NHSL1: variants seen among roughly 807,000 people sequenced by gnomAD.
NHSL1 encodes NHS-like protein 1.
NHSL1 carries 48 observed loss-of-function variants against 95.0 expected under a neutral mutation model. The observed-to-expected ratio is 0.51, with a 90% CI of 0.40 to 0.64. NHSL1 has a LOEUF of 0.64. Ranked by LOEUF, NHSL1 falls within the 30% of genes least tolerant of loss-of-function variation. The pLI is 0.00. For missense variants in NHSL1, 1,971 were observed against 2,077.7 expected (o/e 0.95, Z 1.00); for synonymous variants, 783 against 833.9 (o/e 0.94, Z 1.05).
At chr6:138,541,560 GAGA>G (rs1782581874) in intron 1 of NHSL1, among the ~76,000 whole-genome samples, 1 of 152,158 alleles carries the variant, frequency 6.6e-6, no homozygotes, top group Non-Finnish European at 1.5e-5. Context: ...CCCCTTTGAA[GAGA>G]AGGAGGATAA....
chr6:138,543,853 A>C (rs781713008), intron 1 of NHSL1, among the ~76,000 whole-genome samples: 8 of 152,206 alleles, frequency 5.3e-5, no homozygotes, highest in Non-Finnish European at 1.0e-4. Flanking sequence ...TGTTTGTCCT[A>C]GCTGCCGGGA....
chr6:138,509,716 C>T (rs115313837), intron 1 of NHSL1, among the ~76,000 whole-genome samples: 7,457 of 152,230 alleles, frequency 0.049, 217 homozygotes, highest in African/African-American at 0.078. Flanking sequence ...AAGACATATT[C>T]TATGATCCCT....
intron 1 of NHSL1, chr6:138,512,358 A>G (rs1192566777): frequency 2.2e-6 from 1 of 454,698 alleles, no homozygotes; most frequent in Admixed American, 2.4e-5. Flanking sequence ...TAAATCCCAG[A>G]GCATCTATGG....
chr6:138,536,602 C>CTTT (rs563509738), intron 1 of NHSL1, among the ~76,000 whole-genome samples: 4 of 80,034 alleles, frequency 5.0e-5, no homozygotes, highest in Admixed American at 1.5e-4. Context: ...CATATGTCAT[C>CTTT]TTTTTTTTTT....
chr6:138,604,329 T>C (rs1784407008), intron 1 of NHSL1, among the ~76,000 whole-genome samples: 1 of 152,228 alleles, frequency 6.6e-6, no homozygotes, highest in African/African-American at 2.4e-5. Flanking sequence ...AAGCCATGTA[T>C]GAGAAGTAAT....
chr6:138,654,757 C>CA (rs894068223), intron 1 of NHSL1, among the ~76,000 whole-genome samples: 13 of 151,110 alleles, frequency 8.6e-5, no homozygotes, highest in African/African-American at 1.5e-4. Context: ...CAAAACAAAA[C>CA]AAAAAAAACA....
chr6:138,610,573 TAA>T (rs1157239032), intron 1 of NHSL1, among the ~76,000 whole-genome samples: 101 of 147,362 alleles, frequency 6.9e-4, no homozygotes, highest in African/African-American at 2.4e-3. Flanking sequence ...TATATATATA[TAA>T]AAAGAAAAGA....
At chr6:138,490,721 C>G (rs1265928338) in intron 2 of NHSL1, among the ~76,000 whole-genome samples, 1 of 152,176 alleles carries the variant, frequency 6.6e-6, no homozygotes, top group East Asian at 1.9e-4. Context: ...CAGCCTCTGC[C>G]TCCCAGGTTC....
intron 7 of NHSL1, among the ~76,000 whole-genome samples, chr6:138,426,976 C>T (rs1251941641): frequency 1.3e-5 from 2 of 152,196 alleles, no homozygotes; most frequent in Non-Finnish European, 2.9e-5. Context: ...CTTTGGGTTT[C>T]AGAAAAGGTA....
chr6:138,434,184 G>C (rs1462529259), intron 5 of NHSL1, among the ~76,000 whole-genome samples: 2 of 152,172 alleles, frequency 1.3e-5, no homozygotes, highest in Non-Finnish European at 2.9e-5. Flanking sequence ...CTTTATGTCA[G>C]AAGGAAATTC....
intron 1 of NHSL1, among the ~76,000 whole-genome samples, chr6:138,654,308 G>C (rs1785128888): frequency 1.3e-5 from 2 of 152,154 alleles, no homozygotes; most frequent in South Asian, 4.1e-4. Context: ...TGTTGAAAAG[G>C]ATGTGGGAAA....
intron 1 of NHSL1, among the ~76,000 whole-genome samples, chr6:138,554,427 C>A (rs576228828): frequency 6.6e-6 from 1 of 152,218 alleles, no homozygotes; most frequent in Non-Finnish European, 1.5e-5. Context: ...TCTCCACCCA[C>A]AAAATCAAGA....
chr6:138,601,868 ATTTATTT>A, intron 1 of NHSL1, among the ~76,000 whole-genome samples: 2 of 152,300 alleles, frequency 1.3e-5, no homozygotes, highest in South Asian at 4.1e-4. Flanking sequence ...AAACTCAAGA[ATTTATTT>A]AATAACAAAA....
In NHSL1 at chr6:138,424,332, C is replaced by T. The variant is rs2128187125; in HGVS notation, c.4570G>A (p.Val1524Ile). Reference protein sequence around the residue: ...RNRIQSSPMTVISEGEGEAVE... With the variant: ...RNRIQSSPMTIISEGEGEAVE... Reference sequence around the variant, plus strand: ...GCTTCCCCTTCTCCCTCCGAGATGACGGTCATGGGGCTGCTCTGGATCCGG... The same window carrying T: ...GCTTCCCCTTCTCCCTCCGAGATGATGGTCATGGGGCTGCTCTGGATCCGG... Residue 1524 changes from valine to isoleucine, a missense_variant, in exon 8 of 8, where the codon GTC becomes ATC. Coordinates refer to ENST00000343505, the MANE Select transcript of NHSL1 (RefSeq NM_001144060.2). This position sits in a 1 kb window ranked among gnomAD's most constrained non-coding sequence, Gnocchi z 5.9. 1.3e-6 allele frequency: 2 copies of T among 1,535,626 alleles called. No homozygotes were observed.
At chr6:138,429,311 G>GAATAAATTA (rs1775468987) in intron 7 of NHSL1, among the ~76,000 whole-genome samples, 2 of 152,172 alleles carry the variant, frequency 1.3e-5, no homozygotes, top group Non-Finnish European at 2.9e-5. Context: ...AACATCTTTA[G>GAATAAATTA]GAAGAGAGTC....
upstream of NHSL1, among the ~76,000 whole-genome samples, chr6:138,575,925 A>G (rs999945822): frequency 3.9e-5 from 6 of 152,030 alleles, no homozygotes; most frequent in African/African-American, 1.4e-4. Flanking sequence ...ATTATTGCTA[A>G]CCTTCACAAT....
chr6:138,478,012 CTTTTTTTTTTTTTTTTTT>C lies in NHSL1; in HGVS notation c.212-4597_212-4580del, dbSNP rs71009589. ...TTTTTTCACCATGAAATTTATGTCA[CTTTTTTTTTTTTTTTTTT>C]TTTTTTTTTTTGAGACTGAGTTTCG... On this transcript the variant is annotated intron_variant, in intron 2 of 7. Transcript: ENST00000343505. 5.3e-4 allele frequency among the ~76,000 whole-genome samples: 16 copies of C among 30,016 alleles called. No homozygotes were observed. The South Asian group carries it at 0.02, about 37-fold the overall frequency. The allele number at this position is 30,016 out of a possible 152,430, so 19.7% of individuals were successfully genotyped here.
intron 1 of NHSL1, among the ~76,000 whole-genome samples, chr6:138,623,177 A>C (rs1239288721): frequency 2.0e-5 from 3 of 152,178 alleles, no homozygotes; most frequent in Non-Finnish European, 4.4e-5. Flanking sequence ...ATGTGGGCAA[A>C]AGGCCAGTTT....
At chr6:138,588,551 T>C (rs1215524364) in intron 1 of NHSL1, among the ~76,000 whole-genome samples, 2 of 152,224 alleles carry the variant, frequency 1.3e-5, no homozygotes, top group South Asian at 2.1e-4. Flanking sequence ...TCCAAGGTCA[T>C]ACCCCTCCAA....
Sources: gnomAD v4.1 joint callset for allele counts (sites outside exome capture counted in the v4.1 genomes callset) on GRCh38, gnomAD v4.1.1 for gene constraint, Gnocchi (gnomAD v3.1) non-coding constraint, MANE v1.5 for transcripts, NCBI Gene and HGNC (gene_info 2026-07-23, HGNC 2026-07-21) for gene names.